ANKS1B: variants seen among roughly 807,000 people sequenced by gnomAD.
ANKS1B encodes ankyrin repeat and sterile alpha motif domain containing 1B.
In ANKS1B, 36 loss-of-function variants were observed where a neutral mutation model predicts 148.3. The observed-to-expected ratio is 0.24, with a 90% CI of 0.19 to 0.32. The LOEUF (loss-of-function observed/expected upper bound fraction) is 0.32. Among genes scored for constraint, ANKS1B ranks in the 10% least tolerant of loss-of-function variants. The probability of loss-of-function intolerance (pLI) is 1.00; values close to 1 mark genes in which losing one functional copy is unlikely to be tolerated. For missense variants in ANKS1B, 1,157 were observed against 1,542.6 expected (o/e 0.75, Z 4.19); for synonymous variants, 542 against 560.8 (o/e 0.97, Z 0.47).
intron 1 of ANKS1B, among the ~76,000 whole-genome samples, chr12:99,889,251 T>C (rs1370148987): frequency 6.6e-6 from 1 of 152,102 alleles, no homozygotes; most frequent in African/African-American, 2.4e-5. Flanking sequence ...TGTGTGACCC[T>C]TGTTTTAAAA....
At chr12:99,193,537 G>T (rs958486005) in intron 14 of ANKS1B, among the ~76,000 whole-genome samples, 1 of 152,068 alleles carries the variant, frequency 6.6e-6, no homozygotes, top group Non-Finnish European at 1.5e-5. Flanking sequence ...CTTCATTTCT[G>T]AAGGCTCTTG....
intron 21 of ANKS1B, among the ~76,000 whole-genome samples, chr12:98,799,340 A>T (rs2098980172): frequency 6.6e-6 from 1 of 152,184 alleles, no homozygotes; most frequent in Non-Finnish European, 1.5e-5. Context: ...TGCAAAAATA[A>T]ATCACACTAC....
chr12:99,718,152 T>C (rs11834819), intron 8 of ANKS1B, among the ~76,000 whole-genome samples: 1 of 151,000 alleles, frequency 6.6e-6, no homozygotes, highest in Non-Finnish European at 1.5e-5. Flanking sequence ...CGCCCGCCTC[T>C]GCTTCCCAAA....
At chr12:98,831,999 G>T in intron 18 of ANKS1B, 30 bp downstream of exon 18, 1 of 1,536,862 alleles carries the variant, frequency 6.5e-7, no homozygotes, top group South Asian at 1.2e-5. Flanking sequence ...GATAAGGGCA[G>T]AGAACCAGAT....
At chr12:99,932,911 C>A (rs1219246020) in intron 1 of ANKS1B, among the ~76,000 whole-genome samples, 1 of 152,060 alleles carries the variant, frequency 6.6e-6, no homozygotes, top group Non-Finnish European at 1.5e-5. Flanking sequence ...GTCTTAAAGT[C>A]TTTAATCCAT....
chr12:98,739,649 C>A (rs763567068), downstream of ANKS1B, among the ~76,000 whole-genome samples: 4 of 152,016 alleles, frequency 2.6e-5, no homozygotes, highest in Non-Finnish European at 5.9e-5. Flanking sequence ...GCATCTCCCC[C>A]CTTCTCCTTT....
At chr12:99,487,894 A>G (rs922309537) in intron 10 of ANKS1B, among the ~76,000 whole-genome samples, 1 of 152,062 alleles carries the variant, frequency 6.6e-6, no homozygotes, top group African/African-American at 2.4e-5. Flanking sequence ...TCATTTGTCA[A>G]TATTCTGAAT....
chr12:99,409,189 C>G (rs1213580860), intron 11 of ANKS1B, among the ~76,000 whole-genome samples: 1 of 152,176 alleles, frequency 6.6e-6, no homozygotes, highest in Non-Finnish European at 1.5e-5. Context: ...GAGATCCTGT[C>G]ATTTGCAACA....
intron 1 of ANKS1B, among the ~76,000 whole-genome samples, chr12:99,900,589 G>T (rs949396335): frequency 4.0e-5 from 6 of 150,804 alleles, no homozygotes; most frequent in Non-Finnish European, 7.4e-5. Context: ...TATTCAAAGA[G>T]CTATAATTTC....
intron 14 of ANKS1B, among the ~76,000 whole-genome samples, chr12:99,223,168 T>C (rs1317944097): frequency 6.6e-6 from 1 of 152,172 alleles, no homozygotes; most frequent in African/African-American, 2.4e-5. Flanking sequence ...AATTCCTAGT[T>C]ATTCTTTTCC....
intron 1 of ANKS1B, among the ~76,000 whole-genome samples, chr12:99,841,520 A>T (rs544740074): frequency 6.6e-6 from 1 of 151,986 alleles, no homozygotes; most frequent in Non-Finnish European, 1.5e-5. Flanking sequence ...TAAACTGAAG[A>T]GTTTGGGGCC....
In ANKS1B at chr12:99,399,933, T is replaced by C. The variant is rs538320422; in HGVS notation, c.1576-122A>G. ...TTAAAAACTATCTGGGTTTTATACT[T>C]AAAATATAATTGTGCTTTACAGAGA... is the stretch of plus-strand genomic sequence containing the variant. On this transcript the variant is annotated intron_variant, in intron 11 of 26. Transcript: ENST00000683438. 237 of 847,844 alleles carry C rather than the reference T, an allele frequency of 2.8e-4. 1 individual carries two copies. In the Middle Eastern group the frequency reaches 0.01, roughly 36 times the overall value. The allele number at this position is 847,844 out of a possible 1,614,324, so 52.5% of individuals were successfully genotyped here.
chr12:99,148,301 T>C (rs910730500), intron 15 of ANKS1B, among the ~76,000 whole-genome samples: 27 of 152,284 alleles, frequency 1.8e-4, no homozygotes, highest in African/African-American at 6.3e-4. Context: ...AGTTGTATTA[T>C]ATACTGCATT....
chr12:99,175,623 TCAACA>T (rs2078288247), intron 14 of ANKS1B, among the ~76,000 whole-genome samples: 2 of 152,158 alleles, frequency 1.3e-5, no homozygotes, highest in Non-Finnish European at 1.5e-5. Context: ...TTATACTTAC[TCAACA>T]CAAGTACTTC....
At chr12:99,495,506 T>C (rs946660651) in intron 10 of ANKS1B, among the ~76,000 whole-genome samples, 1 of 152,216 alleles carries the variant, frequency 6.6e-6, no homozygotes, top group Admixed American at 6.5e-5. Flanking sequence ...CTTCAGGTAC[T>C]GCTTTCCTTG....
At chr12:99,272,522 C>A (rs2077162384) in intron 12 of ANKS1B, among the ~76,000 whole-genome samples, 1 of 152,100 alleles carries the variant, frequency 6.6e-6, no homozygotes, top group Non-Finnish European at 1.5e-5. Flanking sequence ...ATTGGGATAT[C>A]CATCATGTTA....
intron 17 of ANKS1B, among the ~76,000 whole-genome samples, chr12:98,873,560 A>G (rs1333613841): frequency 1.3e-5 from 2 of 152,224 alleles, no homozygotes; most frequent in Admixed American, 1.3e-4. Flanking sequence ...AAGAAGATGG[A>G]AAAGGTGGAA....
intron 17 of ANKS1B, among the ~76,000 whole-genome samples, chr12:99,044,381 T>A (rs967645947): frequency 5.4e-5 from 8 of 148,138 alleles, no homozygotes; most frequent in African/African-American, 2.0e-4. Flanking sequence ...GCTGAGAGAG[T>A]CTTTCCCTCT....
intron 9 of ANKS1B, among the ~76,000 whole-genome samples, chr12:99,622,090 A>ATAATGATC (rs1328198231): frequency 1.3e-5 from 2 of 152,234 alleles, no homozygotes; most frequent in Non-Finnish European, 2.9e-5. Context: ...AAAAATTATT[A>ATAATGATC]TAATGATCTC....
Sources: gnomAD v4.1 joint callset for allele counts (sites outside exome capture counted in the v4.1 genomes callset) on GRCh38, gnomAD v4.1.1 for gene constraint, MANE v1.5 for transcripts, NCBI Gene and HGNC (gene_info 2026-07-23, HGNC 2026-07-21) for gene names.